Variants in MCTP2 observed in about 807,000 individuals in gnomAD.
MCTP2 encodes multiple C2 and transmembrane domain containing 2.
In MCTP2, 132 loss-of-function variants were observed where a neutral mutation model predicts 111.6. The ratio of observed to expected loss-of-function variants is 1.18; its 90% CI spans 1.03 to 1.37. The LOEUF is 1.37. Ranked by LOEUF, MCTP2 falls within the 40% of genes most tolerant of loss-of-function variation. The probability of loss-of-function intolerance (pLI) is 0.00; values close to 1 mark genes in which losing one functional copy is unlikely to be tolerated. For synonymous variants in MCTP2, 395 were observed against 387.7 expected, an observed-to-expected ratio of 1.02 and a Z score of -0.22; for missense variants, 1,183 against 1,067.9, an observed-to-expected ratio of 1.11 and a Z score of -1.50.
In MCTP2 at chr15:94,236,377, C is replaced by CTT. The variant is rs71132992; in HGVS notation, c.-66+4740_-66+4741dup. ...TATGATTCAATCCTTTCTTTTTTTTCTTTTTTTTTTTTTTTTTTTTTTTTT... is the reference window on the plus strand; with the variant it reads ...TATGATTCAATCCTTTCTTTTTTTTCTTTTTTTTTTTTTTTTTTTTTTTTTTT... On this transcript the variant is annotated intron_variant, in intron 1 of 22. Transcript: ENST00000357742. 6.1e-3 allele frequency among the ~76,000 whole-genome samples: 441 copies of CTT among 72,518 alleles called. 31 individuals are homozygous for CTT. The highest frequency in any genetic ancestry group is 8.9e-3 in the African/African-American group (169 of 19,028). The allele number at this position is 72,518 out of a possible 152,430, so 47.6% of individuals were successfully genotyped here.
At chr15:94,320,892 G>A (rs2076602235) in intron 4 of MCTP2, among the ~76,000 whole-genome samples, 1 of 152,154 alleles carries the variant, frequency 6.6e-6, no homozygotes, top group Non-Finnish European at 1.5e-5. Context: ...GACAAGAAGA[G>A]GATTTGGATT....
chr15:94,354,481 G>A (rs971122856), intron 8 of MCTP2, among the ~76,000 whole-genome samples: 1 of 151,958 alleles, frequency 6.6e-6, no homozygotes, highest in African/African-American at 2.4e-5. Flanking sequence ...CACTTCACTC[G>A]GCACTTCTCC....
At chr15:94,325,041 G>C (rs899643124) in intron 4 of MCTP2, among the ~76,000 whole-genome samples, 7 of 152,326 alleles carry the variant, frequency 4.6e-5, no homozygotes, top group Admixed American at 3.9e-4. Flanking sequence ...ACCTCTGTTA[G>C]GCTTGGGCCA....
intron 1 of MCTP2, among the ~76,000 whole-genome samples, chr15:94,263,982 C>A (rs17629693): frequency 0.06 from 9,125 of 152,218 alleles, 385 homozygotes; most frequent in South Asian, 0.1. Context: ...GATTCAAATT[C>A]TCCTCCTACC....
At chr15:94,323,340 ACC>A (rs1276213530) in intron 4 of MCTP2, among the ~76,000 whole-genome samples, 1 of 152,016 alleles carries the variant, frequency 6.6e-6, no homozygotes, top group Non-Finnish European at 1.5e-5. Flanking sequence ...AAAAACAAAA[ACC>A]TATGGGTAAT....
chr15:94,467,247 A>G (rs1055755670), intron 20 of MCTP2, among the ~76,000 whole-genome samples: 5 of 152,196 alleles, frequency 3.3e-5, no homozygotes, highest in South Asian at 2.1e-4. Flanking sequence ...TACAAAGTTA[A>G]TAAGTAATCT....
chr15:94,328,742 C>T (rs1003850709), intron 4 of MCTP2, among the ~76,000 whole-genome samples: 20 of 152,112 alleles, frequency 1.3e-4, no homozygotes, highest in African/African-American at 4.1e-4. Flanking sequence ...ACCATGTGTT[C>T]GTGAATTCTG....
chr15:94,384,940 TA>T (rs2080370672), intron 13 of MCTP2, among the ~76,000 whole-genome samples: 1 of 152,218 alleles, frequency 6.6e-6, no homozygotes, highest in East Asian at 1.9e-4. Context: ...TGGTCAATAT[TA>T]AAATATGTAT....
intron 1 of MCTP2, among the ~76,000 whole-genome samples, chr15:94,245,338 A>G (rs988567308): frequency 5.1e-5 from 7 of 138,240 alleles, no homozygotes; most frequent in African/African-American, 1.0e-4. Context: ...ACATATGTGT[A>G]GATATTTACA....
At chr15:94,351,943 A>T (rs754651847) in intron 8 of MCTP2, among the ~76,000 whole-genome samples, 2 of 152,102 alleles carry the variant, frequency 1.3e-5, no homozygotes, top group Non-Finnish European at 2.9e-5. Flanking sequence ...AAGAGGCACC[A>T]CCTGGCCTCG....
chr15:94,324,034 C>T (rs1206384023), intron 4 of MCTP2, among the ~76,000 whole-genome samples: 2 of 152,166 alleles, frequency 1.3e-5, no homozygotes, highest in African/African-American at 4.8e-5. Context: ...CTGTCTTAAA[C>T]TTTGAGACTG....
intron 20 of MCTP2, among the ~76,000 whole-genome samples, chr15:94,470,051 T>C (rs2073784192): frequency 6.6e-6 from 1 of 152,186 alleles, no homozygotes; most frequent in Non-Finnish European, 1.5e-5. Flanking sequence ...TAATCACTTC[T>C]GAGAGCCAAA....
chr15:94,370,046 T>TA, intron 11 of MCTP2, 41 bp from the exon 12 acceptor site: 1 of 1,430,868 alleles, frequency 7.0e-7, no homozygotes, highest in East Asian at 2.3e-5. Flanking sequence ...AGTAGTATAT[T>TA]AAAAAGCTGT....
chr15:94,382,064 C>G (rs542790866), intron 12 of MCTP2, among the ~76,000 whole-genome samples: 1 of 152,352 alleles, frequency 6.6e-6, no homozygotes, highest in East Asian at 1.9e-4. Context: ...GCCTTTCAGG[C>G]CTGGGTACTT....
intron 15 of MCTP2, 46 bp from the exon 16 acceptor site, chr15:94,399,875 A>G (rs777477811): frequency 6.6e-7 from 1 of 1,521,300 alleles, no homozygotes; most frequent in Non-Finnish European, 9.1e-7. Context: ...AGGTGGATGA[A>G]GTCCCTATAC....
At chr15:94,261,321 T>C (rs1422771512) in intron 1 of MCTP2, among the ~76,000 whole-genome samples, 1 of 152,182 alleles carries the variant, frequency 6.6e-6, no homozygotes. Flanking sequence ...CTAAATTGAT[T>C]GAGACCTGTC....
intron 1 of MCTP2, among the ~76,000 whole-genome samples, chr15:94,244,278 A>G (rs890741249): frequency 1.4e-4 from 18 of 132,718 alleles, no homozygotes; most frequent in South Asian, 9.3e-4. Flanking sequence ...ATACACACAT[A>G]TATACACATA....
At chr15:94,297,517 A>G (rs1182231517) in intron 1 of MCTP2, among the ~76,000 whole-genome samples, 1 of 152,180 alleles carries the variant, frequency 6.6e-6, no homozygotes, top group Non-Finnish European at 1.5e-5. Context: ...TTTGAAAGAT[A>G]CTAGATGGAA....
At chr15:94,273,132 G>A (rs929414266) in intron 1 of MCTP2, among the ~76,000 whole-genome samples, 2 of 152,176 alleles carry the variant, frequency 1.3e-5, no homozygotes, top group African/African-American at 2.4e-5. Flanking sequence ...AGTGAGTGCC[G>A]TTAATGCAGC....
Sources: gnomAD v4.1 joint callset for allele counts (sites outside exome capture counted in the v4.1 genomes callset) on GRCh38, gnomAD v4.1.1 for gene constraint, MANE v1.5 for transcripts, NCBI Gene and HGNC (gene_info 2026-07-23, HGNC 2026-07-21) for gene names.